The following ADAMTSL3 variants were observed in gnomAD, a reference collection of about 807,000 sequenced individuals.
The protein encoded by ADAMTSL3 is ADAMTS-like protein 3.
A neutral mutation model predicts 201.7 loss-of-function variants in ADAMTSL3; 128 were observed. The ratio of observed to expected loss-of-function variants is 0.63; its 90% CI spans 0.55 to 0.73. The LOEUF is 0.73. Ranked by LOEUF, ADAMTSL3 falls within the 30% of genes least tolerant of loss-of-function variation. ADAMTSL3 has a pLI of 0.00. For missense variants in ADAMTSL3, 1,990 were observed against 2,119.6 expected (o/e 0.94, Z 1.20); for synonymous variants, 738 against 748.4 (o/e 0.99, Z 0.23).
rs149497156 is a variant in ADAMTSL3 at position 83,942,825 on chromosome 15, T to C, written c.2310+37T>C. 3,159 of 1,608,356 alleles carry C rather than the reference T, an allele frequency of 2.0e-3. 7 individuals carry two copies. Among genetic ancestry groups the C allele is most frequent in the South Asian group, 3.1e-3 (283 of 90,262 alleles). ...TGGCCACTCCAGGGCCCTCTGTGATTATGACTGTGAGAGGCCCTGCACTGC... is the reference window on the plus strand; with the variant it reads ...TGGCCACTCCAGGGCCCTCTGTGATCATGACTGTGAGAGGCCCTGCACTGC... On this transcript the variant is annotated intron_variant, in intron 18 of 29. Coordinates refer to ENST00000286744, the MANE Select transcript of ADAMTSL3 (RefSeq NM_207517.3).
At chr15:83,885,359 G>A (rs1454983290) in intron 10 of ADAMTSL3, 147 bp downstream of exon 10, 11 of 659,492 alleles carry the variant, frequency 1.7e-5, no homozygotes, top group South Asian at 5.4e-5. Context: ...GAATGCAATC[G>A]TGTTAATGAA....
chr15:83,853,196 T>A (rs1164630794), intron 7 of ADAMTSL3, among the ~76,000 whole-genome samples: 1 of 152,194 alleles, frequency 6.6e-6, no homozygotes, highest in Admixed American at 6.5e-5. Flanking sequence ...ACATATTCTA[T>A]CTTTTCTCTA....
chr15:83,902,864 A>C (rs997592192), intron 15 of ADAMTSL3, among the ~76,000 whole-genome samples: 2 of 152,038 alleles, frequency 1.3e-5, no homozygotes, highest in Non-Finnish European at 2.9e-5. Flanking sequence ...TTTCTTTTTA[A>C]TCATAGGAAA....
At chr15:83,993,283 C>T (rs954862761) in intron 23 of ADAMTSL3, among the ~76,000 whole-genome samples, 3 of 152,102 alleles carry the variant, frequency 2.0e-5, no homozygotes, top group African/African-American at 7.2e-5. Flanking sequence ...ATCTTTCTTC[C>T]CTCATCTCTA....
intron 4 of ADAMTSL3, among the ~76,000 whole-genome samples, chr15:83,804,334 T>G (rs1237832717): frequency 6.6e-6 from 1 of 152,176 alleles, no homozygotes; most frequent in African/African-American, 2.4e-5. Context: ...AATACACATA[T>G]GCACACATGA....
intron 19 of ADAMTSL3, among the ~76,000 whole-genome samples, chr15:83,967,907 A>G (rs1051731884): frequency 2.0e-5 from 3 of 152,244 alleles, no homozygotes; most frequent in African/African-American, 7.2e-5. Context: ...ATCTTTGACA[A>G]ACATGACAGA....
intron 3 of ADAMTSL3, among the ~76,000 whole-genome samples, chr15:83,707,704 CAT>C (rs1203997757): frequency 6.6e-6 from 1 of 152,194 alleles, no homozygotes; most frequent in African/African-American, 2.4e-5. Context: ...TAAATGGAAT[CAT>C]ACACCACATA....
chr15:83,709,899 C>T (rs1596066774), intron 3 of ADAMTSL3, among the ~76,000 whole-genome samples: 2 of 152,102 alleles, frequency 1.3e-5, no homozygotes, highest in Non-Finnish European at 2.9e-5. Context: ...ACATTAAGCA[C>T]GAGCAGTAGG....
At position 83,983,135 on chromosome 15, in the gene ADAMTSL3, G is replaced by T. The variant is rs756271040; in HGVS notation, c.3507G>T (p.Lys1169Asn). 9.3e-6 allele frequency: 15 copies of T among 1,613,930 alleles called. No homozygotes were observed. In the South Asian group the frequency reaches 1.5e-4, roughly 17 times the overall value. ...SQSSHAKNSG[K>N]LTFKPKGPVL... ...GCTCGCATGCAAAAAACTCAGGCAA[G>T]CTGACATTCAAGCCGAAAGGACCTG... The change falls in exon 21 of 30, where the codon AAG becomes AAT. Residue 1169 changes from lysine (K) to asparagine (N), a missense_variant. Lys to Asn is a moderately conservative substitution (Grantham distance 94). Transcript: ENST00000286744.
At chr15:83,780,149 C>T (rs2063143801) in intron 4 of ADAMTSL3, among the ~76,000 whole-genome samples, 1 of 152,082 alleles carries the variant, frequency 6.6e-6, no homozygotes, top group Non-Finnish European at 1.5e-5. Context: ...GTGGCTCACG[C>T]CTGTAATCCT....
intron 4 of ADAMTSL3, among the ~76,000 whole-genome samples, chr15:83,792,338 G>A (rs1483287284): frequency 6.6e-6 from 1 of 151,926 alleles, no homozygotes; most frequent in Non-Finnish European, 1.5e-5. Context: ...ACCACAATGA[G>A]GTATCATCTC....
At chr15:83,791,157 T>A (rs2063338396) in intron 4 of ADAMTSL3, among the ~76,000 whole-genome samples, 1 of 149,630 alleles carries the variant, frequency 6.7e-6, no homozygotes, top group African/African-American at 2.4e-5. Flanking sequence ...ATGTTGATAC[T>A]ACCCAAAGTG....
At chr15:83,755,778 C>T (rs539304873) in intron 3 of ADAMTSL3, among the ~76,000 whole-genome samples, 4 of 149,748 alleles carry the variant, frequency 2.7e-5, no homozygotes, top group African/African-American at 9.8e-5. Flanking sequence ...TTTTTTGAGA[C>T]ATTCTTACTC....
chr15:83,698,401 A>T (rs2061717510), intron 2 of ADAMTSL3, among the ~76,000 whole-genome samples: 1 of 152,090 alleles, frequency 6.6e-6, no homozygotes, highest in Admixed American at 6.6e-5. Flanking sequence ...TAGTCCCTGG[A>T]GGTGCTGTCT....
At chr15:83,760,811 G>T (rs1389321710) in intron 3 of ADAMTSL3, among the ~76,000 whole-genome samples, 3 of 151,930 alleles carry the variant, frequency 2.0e-5, no homozygotes, top group African/African-American at 7.2e-5. Flanking sequence ...TAGGCTTATG[G>T]TAAGTATTTT....
chr15:83,754,877 C>T (rs974541758), intron 3 of ADAMTSL3, among the ~76,000 whole-genome samples: 3 of 152,140 alleles, frequency 2.0e-5, no homozygotes, highest in South Asian at 2.1e-4. Context: ...AGGAGATTGG[C>T]GTTACTATGT....
intron 16 of ADAMTSL3, among the ~76,000 whole-genome samples, chr15:83,914,924 A>G (rs1026026211): frequency 4.6e-5 from 7 of 152,052 alleles, no homozygotes; most frequent in African/African-American, 1.7e-4. Context: ...TAACTCTAAC[A>G]TGCCCTTGGC....
intron 6 of ADAMTSL3, among the ~76,000 whole-genome samples, chr15:83,829,777 C>G (rs371464608): frequency 2.6e-4 from 39 of 152,056 alleles, no homozygotes; most frequent in African/African-American, 5.6e-4. Context: ...CCTTCATTTC[C>G]TTATGTACCC....
In ADAMTSL3 at chr15:83,820,048, G is replaced by A. The variant is rs2063836477; in HGVS notation, c.600+1G>A. ...CATGTGTATCAGTGGCATCTGTCAG[G>A]TAAGCACACTTACCTCCCAATCCCC... is the stretch of plus-strand genomic sequence containing the variant. On this transcript the variant is annotated splice_donor_variant, in intron 6 of 29. Transcript: ENST00000286744. LOFTEE classifies it high-confidence loss of function. The A allele has an allele frequency of 1.2e-6, 2 of 1,612,356 alleles. No individual in the cohort carries two copies. The highest frequency in any genetic ancestry group is 2.2e-5 in the East Asian group (1 of 44,866).
Sources: gnomAD v4.1 joint callset for allele counts (sites outside exome capture counted in the v4.1 genomes callset) on GRCh38, gnomAD v4.1.1 for gene constraint, MANE v1.5 for transcripts, NCBI Gene and HGNC (gene_info 2026-07-23, HGNC 2026-07-21) for gene names.